Variants in NKAIN2 observed in about 807,000 individuals in gnomAD.
The protein encoded by NKAIN2 is sodium/potassium transporting ATPase interacting 2.
NKAIN2 carries 14 observed loss-of-function variants against 32.6 expected under a neutral mutation model. That is an observed-to-expected ratio of 0.43 (90% CI 0.28 to 0.67). NKAIN2 has a LOEUF of 0.67. Among genes scored for constraint, NKAIN2 ranks in the 30% least tolerant of loss-of-function variants. The pLI, the probability that NKAIN2 is intolerant of heterozygous loss-of-function variation, is 0.17. For missense variants in NKAIN2, 198 were observed against 258.3 expected (o/e 0.77, Z 1.60); for synonymous variants, 80 against 87.2 (o/e 0.92, Z 0.46).
intron 1 of NKAIN2, among the ~76,000 whole-genome samples, chr6:124,184,902 AT>A (rs1209429853): frequency 6.6e-6 from 1 of 152,158 alleles, no homozygotes; most frequent in Non-Finnish European, 1.5e-5. Context: ...TGACAAGGGA[AT>A]TAATTAGTAG....
intron 5 of NKAIN2, among the ~76,000 whole-genome samples, chr6:124,816,951 C>A (rs536082303): frequency 2.6e-5 from 4 of 152,278 alleles, no homozygotes; most frequent in African/African-American, 9.6e-5. Flanking sequence ...GTTCCAGTTA[C>A]CATTGCTGCC....
At chr6:123,847,726 C>A (rs918269781) in intron 1 of NKAIN2, among the ~76,000 whole-genome samples, 2 of 152,056 alleles carry the variant, frequency 1.3e-5, no homozygotes, top group Admixed American at 6.5e-5. Context: ...TAAAACTTTT[C>A]ATTTTAATTT....
chr6:124,228,995 T>G (rs894606572), intron 1 of NKAIN2, among the ~76,000 whole-genome samples: 19 of 152,194 alleles, frequency 1.2e-4, no homozygotes, highest in African/African-American at 4.3e-4. Flanking sequence ...AGAGATCATA[T>G]AATACTGTTA....
At chr6:124,348,529 T>G (rs1469000368) in intron 2 of NKAIN2, among the ~76,000 whole-genome samples, 1 of 152,242 alleles carries the variant, frequency 6.6e-6, no homozygotes, top group Non-Finnish European at 1.5e-5. Flanking sequence ...TAATCAAGCC[T>G]GGGCAATGGC....
rs116247960 is a variant in NKAIN2, at chr6:123,811,903, T to A, written c.54+7649T>A. ...TAGATAATATGCTATGCGCCTGATA[T>A]ACGTACTTTAAGTATTCATTAAAAT... On this transcript the variant is annotated intron_variant, in intron 1 of 6. Coordinates refer to ENST00000368417, the MANE Select transcript of NKAIN2 (RefSeq NM_001040214.3). 6.6e-3 allele frequency among the ~76,000 whole-genome samples: 1,001 copies of A among 150,786 alleles called. 13 individuals are homozygous for A. Among genetic ancestry groups the A allele is most frequent in the African/African-American group, 0.022 (905 of 41,268 alleles).
At chr6:124,490,414 T>TTG in intron 3 of NKAIN2, 1 of 351,690 alleles carries the variant, frequency 2.8e-6, no homozygotes, top group African/African-American at 3.6e-5. Context: ...TCATAGAGGT[T>TTG]TTTTTTTTTT....
intron 4 of NKAIN2, among the ~76,000 whole-genome samples, chr6:124,718,288 AT>A (rs1232038008): frequency 6.6e-6 from 1 of 152,010 alleles, no homozygotes; most frequent in Non-Finnish European, 1.5e-5. Flanking sequence ...TTATATACAG[AT>A]TTCCCTACTC....
intron 6 of NKAIN2, among the ~76,000 whole-genome samples, chr6:124,820,755 A>C (rs1781360724): frequency 6.6e-6 from 1 of 152,178 alleles, no homozygotes; most frequent in Non-Finnish European, 1.5e-5. Context: ...CAGCAGTATT[A>C]GATTCTCATA....
In NKAIN2 at chr6:124,581,572, A is replaced by G. The variant is rs1167732629; in HGVS notation, c.274-76614A>G. 2.0e-5 allele frequency among the ~76,000 whole-genome samples: 3 copies of G among 152,296 alleles called. No individual in the cohort carries two copies. In the East Asian group the frequency reaches 5.8e-4, roughly 29 times the overall value. ...CAGAATACATATTCTTCACCTCAGC[A>G]CATGGACCATTCTCAAGGATATACC... On this transcript the variant is annotated intron_variant, in intron 3 of 6. Coordinates refer to ENST00000368417, the MANE Select transcript of NKAIN2 (RefSeq NM_001040214.3).
intron 1 of NKAIN2, among the ~76,000 whole-genome samples, chr6:123,999,740 A>G (rs762366934): frequency 1.3e-5 from 2 of 152,120 alleles, no homozygotes; most frequent in Non-Finnish European, 2.9e-5. Flanking sequence ...TCAGGTTGAC[A>G]CAGACATTTC....
intron 1 of NKAIN2, among the ~76,000 whole-genome samples, chr6:123,928,758 A>G (rs1776121195): frequency 6.6e-6 from 1 of 152,204 alleles, no homozygotes; most frequent in Non-Finnish European, 1.5e-5. Flanking sequence ...TTCTAGTCAT[A>G]TATCAGACAT....
chr6:124,449,679 CAT>C (rs1365867929), intron 3 of NKAIN2, among the ~76,000 whole-genome samples: 1 of 151,868 alleles, frequency 6.6e-6, no homozygotes, highest in Non-Finnish European at 1.5e-5. Context: ...CACATACAAA[CAT>C]ATACATTCAC....
chr6:124,684,597 TA>T (rs1773774507), intron 4 of NKAIN2, among the ~76,000 whole-genome samples: 1 of 152,158 alleles, frequency 6.6e-6, no homozygotes, highest in Non-Finnish European at 1.5e-5. Flanking sequence ...AAAAACCCAT[TA>T]AAATCTGACA....
At chr6:124,375,887 T>G (rs993850319) in intron 3 of NKAIN2, among the ~76,000 whole-genome samples, 1 of 152,130 alleles carries the variant, frequency 6.6e-6, no homozygotes, top group African/African-American at 2.4e-5. Flanking sequence ...AAGTACTGCT[T>G]TAATGTTACA....
At chr6:124,046,051 A>G (rs1782109099) in intron 1 of NKAIN2, among the ~76,000 whole-genome samples, 1 of 152,006 alleles carries the variant, frequency 6.6e-6, no homozygotes, top group African/African-American at 2.4e-5. Flanking sequence ...CAAAAGAGGG[A>G]AGAGAACAAT....
intron 3 of NKAIN2, among the ~76,000 whole-genome samples, chr6:124,357,646 G>C (rs116828553): frequency 0.01 from 1,566 of 152,244 alleles, 30 homozygotes; most frequent in African/African-American, 0.035. Flanking sequence ...ATATGTGAAA[G>C]AAATGTATTT....
intron 2 of NKAIN2, among the ~76,000 whole-genome samples, chr6:124,326,843 G>A (rs1282332094): frequency 6.6e-6 from 1 of 152,130 alleles, no homozygotes; most frequent in Non-Finnish European, 1.5e-5. Flanking sequence ...GAGGGCATAG[G>A]TAACCATAGC....
At chr6:124,507,535 T>G (rs1191296121) in intron 3 of NKAIN2, among the ~76,000 whole-genome samples, 1 of 152,178 alleles carries the variant, frequency 6.6e-6, no homozygotes, top group Non-Finnish European at 1.5e-5. Context: ...TAATTGCATC[T>G]AAACATTTCT....
At chr6:124,643,351 G>A (rs1282748452) in intron 3 of NKAIN2, among the ~76,000 whole-genome samples, 1 of 151,994 alleles carries the variant, frequency 6.6e-6, no homozygotes, top group Admixed American at 6.6e-5. Flanking sequence ...TTTGATTATT[G>A]TTTCACTTTA....
Sources: gnomAD v4.1 joint callset for allele counts (sites outside exome capture counted in the v4.1 genomes callset) on GRCh38, gnomAD v4.1.1 for gene constraint, MANE v1.5 for transcripts, NCBI Gene and HGNC (gene_info 2026-07-23, HGNC 2026-07-21) for gene names.